The following NUP210L variants were observed in gnomAD, a reference collection of about 807,000 sequenced individuals.
The protein encoded by NUP210L is nucleoporin 210 like.
In NUP210L, 74 loss-of-function variants were observed where a neutral mutation model predicts 208.5. The observed-to-expected ratio is 0.35, with a 90% confidence interval of 0.29 to 0.43. The LOEUF is 0.43. NUP210L is among the 20% of genes least tolerant of loss of function. The pLI is 1.00. For synonymous variants in NUP210L, 780 were observed against 816.9 expected, an observed-to-expected ratio of 0.95 and a Z score of 0.77; for missense variants, 1,843 against 2,289.4, an observed-to-expected ratio of 0.81 and a Z score of 3.98.
chr1:154,023,174 T>C, exon 31 of NUP210L: 1 of 1,614,108 alleles, frequency 6.2e-7, no homozygotes, highest in East Asian at 2.2e-5. Flanking sequence ...TTCTCTCCGA[T>C]ACTATTATAA....
At chr1:154,084,814 G>C (rs1655539695) in intron 16 of NUP210L, among the ~76,000 whole-genome samples, 2 of 150,316 alleles carry the variant, frequency 1.3e-5, no homozygotes. Context: ...GCTGGGGTTG[G>C]GGGGAGGATT....
chr1:154,077,519 T>G (rs1484136708), intron 16 of NUP210L, among the ~76,000 whole-genome samples: 1 of 152,140 alleles, frequency 6.6e-6, no homozygotes, highest in Non-Finnish European at 1.5e-5. Context: ...AGCAGACCTG[T>G]CTTACAAGAA....
At chr1:154,098,146 C>A (rs1411784004) in intron 14 of NUP210L, among the ~76,000 whole-genome samples, 4 of 152,194 alleles carry the variant, frequency 2.6e-5, no homozygotes, top group Non-Finnish European at 5.9e-5. Flanking sequence ...TGGCTCTCTG[C>A]AAGCCTGTGG....
At chr1:154,032,646 G>T (rs1652298949) in intron 27 of NUP210L, among the ~76,000 whole-genome samples, 1 of 152,040 alleles carries the variant, frequency 6.6e-6, no homozygotes, top group Admixed American at 6.6e-5. Context: ...GGCCAGGTGT[G>T]GTGGCTCATG....
intron 25 of NUP210L, among the ~76,000 whole-genome samples, chr1:154,053,837 A>G (rs1163683631): frequency 6.6e-6 from 1 of 151,946 alleles, no homozygotes; most frequent in African/African-American, 2.4e-5. Context: ...TCCACACTCT[A>G]TATTTCTGTG....
At chr1:154,065,374 C>A (rs1003311092) in intron 17 of NUP210L, among the ~76,000 whole-genome samples, 8 of 151,302 alleles carry the variant, frequency 5.3e-5, no homozygotes, top group Non-Finnish European at 8.8e-5. Flanking sequence ...AAGCTATGAT[C>A]TGCTCTACTG....
At chr1:153,995,576 A>T (rs1170693773) in intron 37 of NUP210L, 1 of 750,334 alleles carries the variant, frequency 1.3e-6, no homozygotes, top group African/African-American at 1.7e-5. Context: ...CTGCTACTTT[A>T]AAATGCTGGT....
At chr1:154,128,269 T>C (rs977733108) in intron 8 of NUP210L, among the ~76,000 whole-genome samples, 3 of 152,082 alleles carry the variant, frequency 2.0e-5, no homozygotes, top group Non-Finnish European at 4.4e-5. Flanking sequence ...GAGAATTGCT[T>C]GAGCCCAGGA....
At chr1:154,103,118 G>A (rs1395429013) in intron 13 of NUP210L, among the ~76,000 whole-genome samples, 1 of 151,670 alleles carries the variant, frequency 6.6e-6, no homozygotes, top group Non-Finnish European at 1.5e-5. Context: ...AACTGGCTGG[G>A]CGCAGTGGCT....
chr1:154,001,651 T>G, intron 36 of NUP210L, 84 bp downstream of exon 36: 1 of 1,416,578 alleles, frequency 7.1e-7, no homozygotes. Context: ...ACTCAGTAAC[T>G]TCTTTTGCCC....
chr1:154,084,676 T>C (rs549869269), intron 16 of NUP210L, among the ~76,000 whole-genome samples: 321 of 151,982 alleles, frequency 2.1e-3, no homozygotes, highest in Middle Eastern at 6.8e-3. Flanking sequence ...TTTTGCCATG[T>C]TGCCCAGGCT....
Position 154,027,080 on chromosome 1 carries a change from C to CA in NUP210L, c.3947+425dup, listed in dbSNP as rs59626984. Among the ~76,000 whole-genome samples, 331 of 101,662 alleles carry CA rather than the reference C, an allele frequency of 3.3e-3. 8 individuals are homozygous for CA. The highest frequency in any genetic ancestry group is 7.3e-3 in the East Asian group (25 of 3,448). 66.7% of individuals were successfully genotyped at this position (101,662 alleles called of 152,430 possible). Reference sequence around the variant, plus strand: ...CCTGGGCAACAGAGCGAGACTGTCTCAAAAAAAAAAAAAAAACAAAAAAAA... The same window carrying CA: ...CCTGGGCAACAGAGCGAGACTGTCTCAAAAAAAAAAAAAAAAACAAAAAAAA... On this transcript the variant is annotated intron_variant, in intron 29 of 39. Coordinates refer to ENST00000368559, the Ensembl canonical transcript of NUP210L.
chr1:154,097,877 C>T (rs189116276), intron 14 of NUP210L, among the ~76,000 whole-genome samples: 2 of 152,280 alleles, frequency 1.3e-5, no homozygotes, highest in African/African-American at 4.8e-5. Context: ...TAGGGTGTTG[C>T]TTTTCTGGCT....
intron 9 of NUP210L, among the ~76,000 whole-genome samples, chr1:154,127,000 C>T (rs1003857075): frequency 6.6e-6 from 1 of 151,650 alleles, no homozygotes; most frequent in East Asian, 1.9e-4. Context: ...TGCCTTTAAT[C>T]CCAGCTGAGG....
intron 10 of NUP210L, among the ~76,000 whole-genome samples, chr1:154,119,626 A>G (rs1465309726): frequency 6.6e-6 from 1 of 151,964 alleles, no homozygotes; most frequent in African/African-American, 2.4e-5. Flanking sequence ...AAATAAATAA[A>G]TAAATAATAA....
intron 34 of NUP210L, among the ~76,000 whole-genome samples, chr1:154,010,827 G>A (rs1387385801): frequency 2.0e-5 from 3 of 151,910 alleles, no homozygotes; most frequent in Non-Finnish European, 4.4e-5. Flanking sequence ...CCGAGATTGC[G>A]CCATTGCACT....
At chr1:153,996,005 A>C (rs1431207278) in intron 37 of NUP210L, 1 of 380,346 alleles carries the variant, frequency 2.6e-6, no homozygotes, top group Non-Finnish European at 5.1e-6. Context: ...CTTAAAAAAA[A>C]AATGCGGCCT....
intron 25 of NUP210L, among the ~76,000 whole-genome samples, chr1:154,050,540 C>CT (rs1264388693): frequency 6.6e-6 from 1 of 152,164 alleles, no homozygotes; most frequent in Non-Finnish European, 1.5e-5. Context: ...TTCACAGACT[C>CT]TAACTCCTTA....
intron 12 of NUP210L, among the ~76,000 whole-genome samples, chr1:154,106,488 A>G (rs1020886564): frequency 6.6e-6 from 1 of 152,166 alleles, no homozygotes; most frequent in Non-Finnish European, 1.5e-5. Flanking sequence ...CACTAACTGT[A>G]CAGTCCTTGG....
Sources: allele counts gnomAD v4.1 joint callset (sites outside exome capture counted in the v4.1 genomes callset), GRCh38; gene constraint gnomAD v4.1.1; transcripts MANE v1.5; gene names NCBI Gene and HGNC (gene_info 2026-07-23, HGNC 2026-07-21).